BRINP3: variants seen among roughly 807,000 people sequenced by gnomAD.
BRINP3 encodes the protein BMP/retinoic acid-inducible neural-specific protein 3.
A neutral mutation model predicts 71.0 loss-of-function variants in BRINP3; 19 were observed. The ratio of observed to expected loss-of-function variants is 0.27; its 90% CI spans 0.19 to 0.39. BRINP3 has a LOEUF of 0.39. Among genes scored for constraint, BRINP3 ranks in the 10% least tolerant of loss-of-function variants. The probability of loss-of-function intolerance (pLI) is 1.00; values close to 1 mark genes in which losing one functional copy is unlikely to be tolerated. For synonymous variants in BRINP3, 380 were observed against 337.7 expected, an observed-to-expected ratio of 1.13 and a Z score of -1.37; for missense variants, 959 against 940.8, an observed-to-expected ratio of 1.02 and a Z score of -0.25.
At position 190,418,477 on chromosome 1, in the gene BRINP3, C is replaced by T. The variant is rs113263260; in HGVS notation, c.236+36178G>A. On this transcript the variant is annotated intron_variant, in intron 2 of 7. Transcript: ENST00000367462. ...ATATCTTACAATTTTGCAATTTGCT[C>T]TTCATTCTTGGTAAATGTTTAAATT... Among the ~76,000 whole-genome samples, 228 of 152,182 alleles carry T rather than the reference C, an allele frequency of 1.5e-3. 1 individual carries two copies. The highest frequency in any genetic ancestry group is 5.1e-3 in the African/African-American group (211 of 41,510).
At chr1:190,150,679 T>C (rs1212721714) in intron 7 of BRINP3, among the ~76,000 whole-genome samples, 1 of 152,212 alleles carries the variant, frequency 6.6e-6, no homozygotes, top group African/African-American at 2.4e-5. Flanking sequence ...TATGCATTGA[T>C]GCTTCCAATA....
chr1:190,190,147 C>T, intron 6 of BRINP3, among the ~76,000 whole-genome samples: 1 of 152,078 alleles, frequency 6.6e-6, no homozygotes, highest in East Asian at 1.9e-4. Context: ...TTTGGTCTTT[C>T]CTGGCACCAG....
chr1:190,273,626 T>C (rs1165007865), intron 3 of BRINP3, among the ~76,000 whole-genome samples: 1 of 151,518 alleles, frequency 6.6e-6, no homozygotes, highest in Non-Finnish European at 1.5e-5. Flanking sequence ...CTCATAGAAT[T>C]TGACATTTTT....
intron 2 of BRINP3, among the ~76,000 whole-genome samples, chr1:190,429,089 T>C (rs1673916565): frequency 6.6e-6 from 1 of 152,062 alleles, no homozygotes; most frequent in Non-Finnish European, 1.5e-5. Flanking sequence ...ATGAAGAAAA[T>C]ATAAGATTTG....
intron 2 of BRINP3, among the ~76,000 whole-genome samples, chr1:190,403,134 A>G (rs1672042162): frequency 6.6e-6 from 1 of 152,220 alleles, no homozygotes; most frequent in Admixed American, 6.5e-5. Flanking sequence ...TTATCAAAAC[A>G]TTCTTTTGTC....
intron 2 of BRINP3, among the ~76,000 whole-genome samples, chr1:190,355,736 T>G (rs1489955927): frequency 6.6e-6 from 1 of 151,946 alleles, no homozygotes; most frequent in Non-Finnish European, 1.5e-5. Flanking sequence ...CTTTCTGCAA[T>G]TCCTATGTAC....
intron 7 of BRINP3, among the ~76,000 whole-genome samples, chr1:190,158,666 A>G (rs1320931129): frequency 6.6e-6 from 1 of 152,110 alleles, no homozygotes; most frequent in Non-Finnish European, 1.5e-5. Context: ...AAATTCTCAA[A>G]TTAATAACTT....
At chr1:190,173,599 C>A (rs1652222945) in intron 6 of BRINP3, among the ~76,000 whole-genome samples, 1 of 152,050 alleles carries the variant, frequency 6.6e-6, no homozygotes, top group Admixed American at 6.6e-5. Flanking sequence ...AGCAATAATT[C>A]CTAAATTGCT....
intron 6 of BRINP3, among the ~76,000 whole-genome samples, chr1:190,189,544 CT>C (rs543369470): frequency 5.9e-5 from 9 of 151,862 alleles, no homozygotes; most frequent in South Asian, 2.1e-4. Flanking sequence ...GCTGTTGATA[CT>C]TTTTTTCACA....
intron 2 of BRINP3, among the ~76,000 whole-genome samples, chr1:190,397,631 T>C (rs1003276155): frequency 6.6e-6 from 1 of 152,040 alleles, no homozygotes; most frequent in African/African-American, 2.4e-5. Context: ...TCAGAAAGTT[T>C]AAAATGTGAA....
intron 2 of BRINP3, among the ~76,000 whole-genome samples, chr1:190,329,270 C>T (rs1177178055): frequency 6.6e-6 from 1 of 151,852 alleles, no homozygotes; most frequent in South Asian, 2.1e-4. Context: ...TAATTCTATA[C>T]CTAGAAAATC....
chr1:190,230,910 T>A (rs1019972015), intron 5 of BRINP3, among the ~76,000 whole-genome samples: 1 of 151,486 alleles, frequency 6.6e-6, no homozygotes, highest in Admixed American at 6.6e-5. Flanking sequence ...GTCATACTTA[T>A]CTTCTATAAA....
rs183598625 is a variant in BRINP3, at chr1:190,402,774, C to T, written c.236+51881G>A. Among the ~76,000 whole-genome samples the T allele has an allele frequency of 1.4e-4, 21 of 152,260 alleles. No individual in the cohort carries two copies. In the East Asian group the frequency reaches 3.9e-3, roughly 28 times the overall value. On this transcript the variant is annotated intron_variant, in intron 2 of 7. Coordinates refer to ENST00000367462, the MANE Select transcript of BRINP3 (RefSeq NM_199051.3). ...TTGAGACAGGTCTCATTCTGTCCCCCAGGCTGGAGTGCCATGGTGCCATCA... is the reference window on the plus strand; with the variant it reads ...TTGAGACAGGTCTCATTCTGTCCCCTAGGCTGGAGTGCCATGGTGCCATCA...
chr1:190,166,534 A>G (rs184085183), intron 6 of BRINP3, among the ~76,000 whole-genome samples: 26 of 152,244 alleles, frequency 1.7e-4, no homozygotes, highest in African/African-American at 6.3e-4. Flanking sequence ...TGGGTGTATC[A>G]TTTAAACTAG....
intron 6 of BRINP3, among the ~76,000 whole-genome samples, chr1:190,165,250 C>T (rs1440768435): frequency 6.6e-6 from 1 of 151,754 alleles, no homozygotes; most frequent in Non-Finnish European, 1.5e-5. Context: ...GACTTTAAAT[C>T]CATTTCTTCT....
Position 190,423,214 on chromosome 1 carries a change from CCCTATGACT to C in BRINP3, c.236+31432_236+31440del, listed in dbSNP as rs373402156. 4.4e-3 allele frequency among the ~76,000 whole-genome samples: 673 copies of C among 151,814 alleles called. 2 individuals carry two copies. The highest frequency in any genetic ancestry group is 0.011 in the South Asian group (55 of 4,816). ...TAAAGCACCAAATAGTCATTAAGGG[CCCTATGACT>C]CCTATGACTCCTACATTCTTCTATG... On this transcript the variant is annotated intron_variant, in intron 2 of 7. Transcript: ENST00000367462.
intron 4 of BRINP3, among the ~76,000 whole-genome samples, chr1:190,234,994 G>T (rs1040293933): frequency 2.0e-5 from 3 of 151,832 alleles, no homozygotes; most frequent in Non-Finnish European, 4.4e-5. Flanking sequence ...TTTCCAATAT[G>T]CCAGTATCTC....
intron 7 of BRINP3, among the ~76,000 whole-genome samples, chr1:190,147,467 T>C (rs1013990505): frequency 6.6e-6 from 1 of 152,164 alleles, no homozygotes; most frequent in South Asian, 2.1e-4. Flanking sequence ...AAAGACACTT[T>C]ATATATATGA....
chr1:190,141,705 G>A (rs563822631), intron 7 of BRINP3, among the ~76,000 whole-genome samples: 20 of 151,336 alleles, frequency 1.3e-4, no homozygotes, highest in South Asian at 4.2e-4. Flanking sequence ...GGTTACAGGC[G>A]TGTGCCATCA....
Sources: allele counts gnomAD v4.1 joint callset (sites outside exome capture counted in the v4.1 genomes callset), GRCh38; gene constraint gnomAD v4.1.1; transcripts MANE v1.5; gene names NCBI Gene and HGNC (gene_info 2026-07-23, HGNC 2026-07-21).